The following SORCS3 variants were observed in gnomAD, a reference collection of about 807,000 sequenced individuals.
SORCS3 encodes the protein VPS10 domain-containing receptor SorCS3.
Under a neutral mutation model 146.3 loss-of-function variants are expected in SORCS3, and 57 were observed. The ratio of observed to expected loss-of-function variants is 0.39; its 90% confidence interval spans 0.31 to 0.49. The LOEUF is 0.49. Among genes scored for constraint, SORCS3 ranks in the 20% least tolerant of loss-of-function variants. SORCS3 has a pLI of 0.92. For missense variants in SORCS3, 1,341 were observed against 1,575.5 expected (o/e 0.85, Z 2.52); for synonymous variants, 653 against 618.5 (o/e 1.06, Z -0.83).
intron 1 of SORCS3, among the ~76,000 whole-genome samples, chr10:104,750,347 G>T (rs763260141): frequency 1.2e-4 from 18 of 152,196 alleles, no homozygotes; most frequent in Non-Finnish European, 2.2e-4. Flanking sequence ...CAACTTCCTT[G>T]TGGTATCTTT....
intron 2 of SORCS3, among the ~76,000 whole-genome samples, chr10:104,843,824 A>G (rs1467852291): frequency 2.0e-5 from 3 of 152,198 alleles, no homozygotes; most frequent in Non-Finnish European, 4.4e-5. Flanking sequence ...CCTCTCTGCT[A>G]GGTCCATGAG....
At chr10:105,201,061 G>A in intron 15 of SORCS3, 59 bp from the exon 16 acceptor site, 1 of 1,584,542 alleles carries the variant, frequency 6.3e-7, no homozygotes, top group Admixed American at 1.8e-5. Flanking sequence ...GTTGACAACT[G>A]GTTTATTTCA....
chr10:105,220,025 C>G (rs991458509), intron 19 of SORCS3, among the ~76,000 whole-genome samples: 3 of 152,190 alleles, frequency 2.0e-5, no homozygotes, highest in Admixed American at 6.5e-5. Flanking sequence ...GGGCCATTAG[C>G]TAACAAAAGT....
At position 105,105,389 on chromosome 10, in the gene SORCS3, T is replaced by G; in HGVS notation, c.1094-8T>G. 1.3e-6 allele frequency: 2 copies of G among 1,598,070 alleles called. No homozygotes were observed. The highest frequency in any genetic ancestry group is 1.7e-6 in the Non-Finnish European group (2 of 1,165,668). On this transcript the variant is annotated splice_region_variant and splice_polypyrimidine_tract_variant and intron_variant, in intron 6 of 26. Transcript: ENST00000369701. ...GTATCTAAGCATCACTCTACCCTCC[T>G]GTTTCAGATGCTCACTACCTCACCT...
chr10:105,251,641 T>G (rs1223810422), intron 22 of SORCS3, among the ~76,000 whole-genome samples: 2 of 152,108 alleles, frequency 1.3e-5, no homozygotes, highest in African/African-American at 2.4e-5. Flanking sequence ...ATATTTGGAT[T>G]GACAGAAGAG....
At chr10:105,004,808 G>C (rs2055084206) in intron 4 of SORCS3, among the ~76,000 whole-genome samples, 1 of 150,602 alleles carries the variant, frequency 6.6e-6, no homozygotes, top group Non-Finnish European at 1.5e-5. Flanking sequence ...AGAGTGAGGT[G>C]GGGGGAAGTG....
chr10:104,763,624 T>C (rs1161066170), intron 1 of SORCS3, among the ~76,000 whole-genome samples: 1 of 152,238 alleles, frequency 6.6e-6, no homozygotes, highest in Non-Finnish European at 1.5e-5. Context: ...CGTGGACTTC[T>C]ATGCTCCACT....
At chr10:105,072,493 A>C (rs790746) in intron 5 of SORCS3, among the ~76,000 whole-genome samples, 1 of 152,010 alleles carries the variant, frequency 6.6e-6, no homozygotes, top group African/African-American at 2.4e-5. Context: ...TGATGGATAC[A>C]AGCATGAGCA....
At chr10:104,760,864 G>A (rs1001675214) in intron 1 of SORCS3, among the ~76,000 whole-genome samples, 2 of 151,516 alleles carry the variant, frequency 1.3e-5, no homozygotes, top group Non-Finnish European at 1.5e-5. Flanking sequence ...AAAAATACAT[G>A]CTCTTAACAA....
rs150224320 is a variant in SORCS3 at position 104,901,776 on chromosome 10, C to A, written c.696-14057C>A. 6.4e-4 allele frequency among the ~76,000 whole-genome samples: 98 copies of A among 152,322 alleles called. No homozygotes were observed. In the East Asian group the frequency reaches 0.012, roughly 19 times the overall value. On this transcript the variant is annotated intron_variant, in intron 2 of 26. Transcript: ENST00000369701. ...TATCTAGTGAGAGATGGTCTTGTCT[C>A]CCTAAGACCATATTATTCTTTCTGA...
At chr10:104,914,790 A>G (rs985321055) in intron 2 of SORCS3, among the ~76,000 whole-genome samples, 6 of 152,236 alleles carry the variant, frequency 3.9e-5, no homozygotes, top group Non-Finnish European at 7.3e-5. Flanking sequence ...TGCCAGTTCA[A>G]AGCAAGGCTC....
intron 1 of SORCS3, among the ~76,000 whole-genome samples, chr10:104,648,455 G>C (rs2015519932): frequency 6.6e-6 from 1 of 152,168 alleles, no homozygotes; most frequent in Non-Finnish European, 1.5e-5. Flanking sequence ...GATAGATTGA[G>C]GCCCCAGGAT....
intron 5 of SORCS3, among the ~76,000 whole-genome samples, chr10:105,060,663 G>C (rs886724590): frequency 1.3e-5 from 2 of 152,142 alleles, no homozygotes; most frequent in African/African-American, 4.8e-5. Context: ...AAAAGTCTGG[G>C]CGCGGTGGCT....
At chr10:105,161,336 G>C (rs17118664) in intron 11 of SORCS3, among the ~76,000 whole-genome samples, 1,532 of 152,184 alleles carry the variant, frequency 0.01, 27 homozygotes, top group African/African-American at 0.034. Flanking sequence ...TAACTATGAC[G>C]TCAGCCAATT....
At chr10:104,868,743 T>C (rs767546460) in intron 2 of SORCS3, among the ~76,000 whole-genome samples, 5 of 152,154 alleles carry the variant, frequency 3.3e-5, no homozygotes, top group Non-Finnish European at 4.4e-5. Context: ...GGAATTTGAG[T>C]CCCTGAGCTC....
At chr10:105,226,367 GT>G (rs1336517162) in intron 20 of SORCS3, among the ~76,000 whole-genome samples, 1 of 151,902 alleles carries the variant, frequency 6.6e-6, no homozygotes, top group Non-Finnish European at 1.5e-5. Flanking sequence ...TTATTGGCTT[GT>G]GTATGTTAAA....
chr10:105,103,205 TCTCCGCTG>T (rs1302782168), intron 6 of SORCS3, among the ~76,000 whole-genome samples: 1 of 152,012 alleles, frequency 6.6e-6, no homozygotes, highest in East Asian at 1.9e-4. Context: ...TTGAGTGTAG[TCTCCGCTG>T]CTCCTCAGAG....
At position 105,147,795 on chromosome 10, in the gene SORCS3, A is replaced by C; in HGVS notation, c.1481A>C (p.Glu494Ala). The C allele has an allele frequency of 1.2e-6, 2 of 1,608,538 alleles. No individual in the cohort carries two copies. The highest frequency in any genetic ancestry group is 1.7e-6 in the Non-Finnish European group (2 of 1,176,846). ...GGGAACATCATTATTGAATTGTATG[A>C]GGTATGTAGCCAAAATTCTCCTTCC... is the stretch of plus-strand genomic sequence containing the variant. ...LMGNIIIELY[E>A]VAGIKGIFLA... The change falls in exon 9 of 27, where the codon GAG becomes GCG. Residue 494 changes from glutamate (E) to alanine (A), a missense_variant and splice_region_variant. Transcript: ENST00000369701.
chr10:104,653,646 T>A (rs1184692902), intron 1 of SORCS3, among the ~76,000 whole-genome samples: 32 of 152,212 alleles, frequency 2.1e-4, no homozygotes, highest in Admixed American at 2.0e-3. Flanking sequence ...ATTAATGCTT[T>A]AAAAATTTTT....
Sources: gnomAD v4.1 joint callset for allele counts (sites outside exome capture counted in the v4.1 genomes callset) on GRCh38, gnomAD v4.1.1 for gene constraint, MANE v1.5 for transcripts, NCBI Gene and HGNC (gene_info 2026-07-23, HGNC 2026-07-21) for gene names.